Variants in NFE2L2 observed in about 807,000 individuals in gnomAD.
The protein encoded by NFE2L2 is nuclear factor erythroid 2-related factor 2.
Under a neutral mutation model 49.6 loss-of-function variants are expected in NFE2L2, and 20 were observed. That is an observed-to-expected ratio of 0.40 (90% confidence interval 0.28 to 0.59). The LOEUF is 0.59. Among genes scored for constraint, NFE2L2 ranks in the 20% least tolerant of loss-of-function variants. NFE2L2 has a pLI of 0.40. For missense variants in NFE2L2, 578 were observed against 714.2 expected (o/e 0.81, Z 2.17); for synonymous variants, 244 against 256.5 (o/e 0.95, Z 0.47).
intron 1 of NFE2L2, 66 bp downstream of exon 1, chr2:177,264,466 G>A (rs1012165082): frequency 2.8e-5 from 42 of 1,480,320 alleles, no homozygotes; most frequent in Non-Finnish European, 3.6e-5. Flanking sequence ...CTCCCGGGCC[G>A]CGGTTCCCTA....
chr2:177,244,630 G>C (rs1191987304), intron 1 of NFE2L2, among the ~76,000 whole-genome samples: 2 of 152,184 alleles, frequency 1.3e-5, no homozygotes, highest in Non-Finnish European at 2.9e-5. Flanking sequence ...ATAAACAAGG[G>C]TTAAATCTAT....
intron 1 of NFE2L2, among the ~76,000 whole-genome samples, chr2:177,247,933 T>C (rs1690194752): frequency 6.6e-6 from 1 of 152,140 alleles, no homozygotes; most frequent in Admixed American, 6.6e-5. Context: ...ATCAGTAAGC[T>C]CAGCCTTTCT....
chr2:177,264,173 C>T (rs1407158388), intron 1 of NFE2L2, among the ~76,000 whole-genome samples: 2 of 152,078 alleles, frequency 1.3e-5, no homozygotes, highest in Admixed American at 6.5e-5. Flanking sequence ...CCCCCTCTTG[C>T]CCCGCCGCCC....
chr2:177,231,358 A>C lies in NFE2L2; in HGVS notation c.1245T>G (p.Thr415=), dbSNP rs1257210827. The C allele has an allele frequency of 1.3e-5, 21 of 1,614,116 alleles. No individual in the cohort carries two copies. The highest frequency in any genetic ancestry group is 1.7e-5 in the Non-Finnish European group (20 of 1,180,040). ...QPLSPSQGQS[T]HVHDAQCENT... ...TCTCACATTGGGCATCATGCACGTG[A>C]GTGCTCTGCCCCTGAGATGGTGACA... The change falls in exon 5 of 5, where the codon ACT becomes ACG. Residue 415 remains threonine (T), a synonymous_variant. Transcript: ENST00000397062.
chr2:177,257,998 C>T (rs1485994901), intron 1 of NFE2L2, among the ~76,000 whole-genome samples: 13 of 152,214 alleles, frequency 8.5e-5, no homozygotes, highest in Admixed American at 7.9e-4. Flanking sequence ...CCTGACTGCT[C>T]GTTAGAATCC....
At chr2:177,259,728 C>T (rs1042940591) in intron 1 of NFE2L2, among the ~76,000 whole-genome samples, 3 of 152,112 alleles carry the variant, frequency 2.0e-5, no homozygotes, top group Admixed American at 6.5e-5. Flanking sequence ...GTCAGGAGAT[C>T]GAGATCATCC....
intron 1 of NFE2L2, among the ~76,000 whole-genome samples, chr2:177,239,632 G>A (rs1194546062): frequency 6.6e-6 from 1 of 152,126 alleles, no homozygotes; most frequent in Non-Finnish European, 1.5e-5. Flanking sequence ...AGCCAAGATC[G>A]TGCCACTGCA....
intron 1 of NFE2L2, among the ~76,000 whole-genome samples, chr2:177,257,317 G>C (rs985900681): frequency 6.6e-6 from 1 of 152,150 alleles, no homozygotes; most frequent in Non-Finnish European, 1.5e-5. Context: ...AATCTAGATT[G>C]CAAGTTATCA....
intron 1 of NFE2L2, among the ~76,000 whole-genome samples, chr2:177,255,723 CTAATTTTTT>C (rs1235654966): frequency 6.6e-6 from 1 of 152,046 alleles, no homozygotes; most frequent in Admixed American, 6.6e-5. Flanking sequence ...CTGGATCCAG[CTAATTTTTT>C]TAATTTTTTG....
chr2:177,260,333 T>C (rs374953996), intron 1 of NFE2L2, among the ~76,000 whole-genome samples: 27 of 152,220 alleles, frequency 1.8e-4, no homozygotes, highest in South Asian at 2.1e-4. Flanking sequence ...TGCCCTGAGG[T>C]TGACCTGGAC....
intron 1 of NFE2L2, among the ~76,000 whole-genome samples, chr2:177,246,967 T>C (rs1690153892): frequency 6.6e-6 from 1 of 152,182 alleles, no homozygotes; most frequent in African/African-American, 2.4e-5. Flanking sequence ...TATTACTTAA[T>C]AACATAATTA....
At chr2:177,235,258 T>A (rs188418193) in intron 1 of NFE2L2, among the ~76,000 whole-genome samples, 1 of 151,280 alleles carries the variant, frequency 6.6e-6, no homozygotes, top group East Asian at 2.0e-4. Context: ...AGACCCTGTT[T>A]CTACCAAAAC....
At chr2:177,264,319 G>A in intron 1 of NFE2L2, 2 of 502,756 alleles carry the variant, frequency 4.0e-6, no homozygotes, top group Middle Eastern at 5.2e-4. Flanking sequence ...TTCGCCCTCG[G>A]GCTCGTGGTC....
intron 1 of NFE2L2, among the ~76,000 whole-genome samples, chr2:177,249,858 G>C (rs1381387292): frequency 6.6e-6 from 1 of 152,034 alleles, no homozygotes; most frequent in Non-Finnish European, 1.5e-5. Flanking sequence ...AAAATTTAAC[G>C]AAATTAAAAA....
At chr2:177,256,544 TG>T (rs1690532822) in intron 1 of NFE2L2, among the ~76,000 whole-genome samples, 1 of 116,792 alleles carries the variant, frequency 8.6e-6, no homozygotes, top group Non-Finnish European at 1.8e-5. Context: ...AATGAGAAAA[TG>T]CAAGAAGTGT....
intron 1 of NFE2L2, among the ~76,000 whole-genome samples, chr2:177,238,187 G>T (rs866490177): frequency 2.0e-5 from 3 of 152,268 alleles, no homozygotes; most frequent in African/African-American, 7.2e-5. Context: ...CTGGGCCTGA[G>T]GTTTTTTCTT....
intron 1 of NFE2L2, among the ~76,000 whole-genome samples, chr2:177,261,170 C>CAAAA (rs59040355): frequency 0.011 from 1,318 of 120,002 alleles, 38 homozygotes; most frequent in African/African-American, 0.038. Flanking sequence ...GACTTCATCT[C>CAAAA]AAAAAAAAAA....
chr2:177,232,063 G>A lies in NFE2L2; in HGVS notation c.595-55C>T, dbSNP rs559596407. On this transcript the variant is annotated intron_variant, in intron 4 of 4. Transcript: ENST00000397062. Reference sequence around the variant, plus strand: ...AATCAAAGTTAATCCATGATAATACGTGATAAATTTAGATAAACTCCCTAC... The same window carrying A: ...AATCAAAGTTAATCCATGATAATACATGATAAATTTAGATAAACTCCCTAC... The A allele has an allele frequency of 1.2e-4, 172 of 1,488,372 alleles. No individual in the cohort carries two copies. The South Asian group carries it at 1.3e-3, about 11-fold the overall frequency. The allele number at this position is 1,488,372 out of a possible 1,614,324, so 92.2% of individuals were successfully genotyped here.
In NFE2L2 at chr2:177,255,523, CAA is replaced by C. The variant is rs1411543653; in HGVS notation, c.45+9007_45+9008del. ...GCGAGTGGGGGCACTGCAGCTGACA[CAA>C]AGTAAACCAGCCCTGTTCCAGTCCA... On this transcript the variant is annotated intron_variant, in intron 1 of 4. Coordinates refer to ENST00000397062, the MANE Select transcript of NFE2L2 (RefSeq NM_006164.5). Among the ~76,000 whole-genome samples, 5 of 152,144 alleles carry C rather than the reference CAA, an allele frequency of 3.3e-5. No homozygotes were observed. The East Asian group carries it at 9.6e-4, about 29-fold the overall frequency.
Sources: allele counts gnomAD v4.1 joint callset (sites outside exome capture counted in the v4.1 genomes callset), GRCh38; gene constraint gnomAD v4.1.1; transcripts MANE v1.5; gene names NCBI Gene and HGNC (gene_info 2026-07-23, HGNC 2026-07-21).